The following WWOX variants were observed in gnomAD, a reference collection of about 807,000 sequenced individuals.
WWOX encodes WW domain containing oxidoreductase.
A neutral mutation model predicts 46.2 loss-of-function variants in WWOX; 69 were observed. The ratio of observed to expected loss-of-function variants is 1.49; its 90% CI spans 1.23 to 1.82. WWOX has a LOEUF of 1.82. Among genes scored for constraint, WWOX ranks in the 40% most tolerant of loss-of-function variants. The pLI is 0.00. For synonymous variants in WWOX, 359 were observed against 202.6 expected (o/e 1.77, Z -6.56); for missense variants, 919 against 542.6 (o/e 1.69, Z -6.89).
At position 78,200,818 on chromosome 16, in the gene WWOX, T is replaced by C. The variant is rs182465018; in HGVS notation, c.516+36529T>C. Among the ~76,000 whole-genome samples, 510 of 152,254 alleles carry C rather than the reference T, an allele frequency of 3.3e-3. 6 individuals carry two copies. The highest frequency in any genetic ancestry group is 0.012 in the African/African-American group (492 of 41,570). On this transcript the variant is annotated intron_variant, in intron 5 of 8. Coordinates refer to ENST00000566780, the MANE Select transcript of WWOX (RefSeq NM_016373.4). ...GCACTTTGCACGTGTGCATTCACGA[T>C]GGGCTGTGCTGGAGGGGAAAACAGG...
intron 8 of WWOX, among the ~76,000 whole-genome samples, chr16:79,087,597 G>A (rs1026264639): frequency 2.6e-5 from 4 of 152,166 alleles, no homozygotes; most frequent in African/African-American, 9.6e-5. Context: ...TGAGCACTGG[G>A]GAGTTGACTT....
intron 8 of WWOX, among the ~76,000 whole-genome samples, chr16:78,969,534 G>C (rs984044035): frequency 1.3e-5 from 2 of 152,208 alleles, no homozygotes; most frequent in Middle Eastern, 3.4e-3. Context: ...GCCTCCCAAA[G>C]TGCTGGGATG....
chr16:78,927,966 C>G (rs1260289982), intron 8 of WWOX, among the ~76,000 whole-genome samples: 1 of 151,720 alleles, frequency 6.6e-6, no homozygotes, highest in African/African-American at 2.4e-5. Flanking sequence ...AATAAACAAT[C>G]TCAGGGTTTT....
At chr16:79,172,519 C>T (rs2050719633) in intron 8 of WWOX, among the ~76,000 whole-genome samples, 1 of 152,088 alleles carries the variant, frequency 6.6e-6, no homozygotes, top group Admixed American at 6.6e-5. Context: ...ATGTTTGCTC[C>T]TCCTCACTGA....
At chr16:78,681,835 T>C (rs1273384060) in intron 8 of WWOX, among the ~76,000 whole-genome samples, 1 of 152,198 alleles carries the variant, frequency 6.6e-6, no homozygotes, top group Non-Finnish European at 1.5e-5. Context: ...TTTCTTCAAC[T>C]TTGGTGTGAG....
chr16:78,385,833 G>A (rs1324892670), intron 5 of WWOX, among the ~76,000 whole-genome samples: 1 of 152,182 alleles, frequency 6.6e-6, no homozygotes, highest in African/African-American at 2.4e-5. Context: ...GTGGCCCTGT[G>A]TTCTTGGGTT....
At chr16:78,496,921 C>G (rs1258376767) in intron 8 of WWOX, among the ~76,000 whole-genome samples, 5 of 152,200 alleles carry the variant, frequency 3.3e-5, no homozygotes, top group African/African-American at 1.2e-4. Context: ...TGATTCTCTC[C>G]TTTCCCGCCC....
chr16:78,472,790 C>G (rs780884796), intron 8 of WWOX, among the ~76,000 whole-genome samples: 1 of 97,432 alleles, frequency 1.0e-5, no homozygotes, highest in African/African-American at 3.8e-5. Flanking sequence ...GCCTGGGCGA[C>G]AAGAGTGAAA....
intron 5 of WWOX, among the ~76,000 whole-genome samples, chr16:78,177,969 T>C (rs1200954438): frequency 6.6e-6 from 1 of 152,224 alleles, no homozygotes; most frequent in Non-Finnish European, 1.5e-5. Context: ...TAGTTCCTGT[T>C]GTGAGGACCA....
chr16:79,167,249 A>G lies in WWOX; in HGVS notation c.1057-44359A>G, dbSNP rs540696297. 9.2e-5 allele frequency among the ~76,000 whole-genome samples: 14 copies of G among 152,354 alleles called. No individual in the cohort carries two copies. The East Asian group carries it at 1.5e-3, about 17-fold the overall frequency. On this transcript the variant is annotated intron_variant, in intron 8 of 8. Coordinates refer to ENST00000566780, the MANE Select transcript of WWOX (RefSeq NM_016373.4). ...GAACCACCATGCCCGGCCATCAGAA[A>G]TATTTTATTTCACTATTTTAAAAAA...
intron 8 of WWOX, among the ~76,000 whole-genome samples, chr16:78,884,490 CAA>C (rs1192445423): frequency 6.6e-6 from 1 of 151,964 alleles, no homozygotes; most frequent in East Asian, 1.9e-4. Context: ...TAAATCCACA[CAA>C]GAGGAGACTA....
intron 8 of WWOX, among the ~76,000 whole-genome samples, chr16:78,826,930 A>T (rs9932456): frequency 0.028 from 4,322 of 152,258 alleles, 202 homozygotes; most frequent in African/African-American, 0.098. Flanking sequence ...CATGCCGGAC[A>T]CCAAGCTATT....
intron 5 of WWOX, among the ~76,000 whole-genome samples, chr16:78,375,160 C>T (rs771073588): frequency 1.3e-5 from 2 of 152,210 alleles, no homozygotes. Flanking sequence ...TTATCTCTTT[C>T]GATTCATCTG....
chr16:79,041,510 T>C (rs2047970823), intron 8 of WWOX, among the ~76,000 whole-genome samples: 1 of 152,174 alleles, frequency 6.6e-6, no homozygotes, highest in Admixed American at 6.5e-5. Context: ...TCATGCTCAT[T>C]AAGTCCGCAG....
At chr16:78,785,659 A>G (rs1219950902) in intron 8 of WWOX, among the ~76,000 whole-genome samples, 1 of 152,242 alleles carries the variant, frequency 6.6e-6, no homozygotes, top group Non-Finnish European at 1.5e-5. Flanking sequence ...ATCCATTACA[A>G]AACCATTGTT....
intron 8 of WWOX, among the ~76,000 whole-genome samples, chr16:79,018,045 A>T (rs1335490070): frequency 6.6e-6 from 1 of 152,240 alleles, no homozygotes; most frequent in African/African-American, 2.4e-5. Flanking sequence ...TAGTCAAGGC[A>T]AAAAAGGGAA....
chr16:78,239,049 G>T (rs149606006), intron 5 of WWOX, among the ~76,000 whole-genome samples: 16 of 152,256 alleles, frequency 1.1e-4, no homozygotes, highest in African/African-American at 3.6e-4. Flanking sequence ...ATTCCAGGAT[G>T]CTCTAACCTG....
At chr16:78,745,522 C>CTTT (rs5818168) in intron 8 of WWOX, among the ~76,000 whole-genome samples, 8 of 92,728 alleles carry the variant, frequency 8.6e-5, no homozygotes, top group Admixed American at 1.2e-4. Flanking sequence ...TGTGGAAATC[C>CTTT]TTTTTTTTTT....
At chr16:79,051,279 C>G (rs2048162397) in intron 8 of WWOX, among the ~76,000 whole-genome samples, 1 of 152,172 alleles carries the variant, frequency 6.6e-6, no homozygotes, top group South Asian at 2.1e-4. Flanking sequence ...ATTTTTGCAT[C>G]ATGCGCAGGA....
Sources: allele counts gnomAD v4.1 joint callset (sites outside exome capture counted in the v4.1 genomes callset), GRCh38; gene constraint gnomAD v4.1.1; transcripts MANE v1.5; gene names NCBI Gene and HGNC (gene_info 2026-07-23, HGNC 2026-07-21).